TOGARAM1: variants seen among roughly 807,000 people sequenced by gnomAD.
TOGARAM1 encodes the protein TOG array regulator of axonemal microtubules 1.
A neutral mutation model predicts 166.6 loss-of-function variants in TOGARAM1; 100 were observed. The observed-to-expected ratio is 0.60, with a 90% CI of 0.51 to 0.71. The LOEUF is 0.71. TOGARAM1 is among the 30% of genes least tolerant of loss of function. The pLI is 0.00. For synonymous variants in TOGARAM1, 758 were observed against 763.8 expected (o/e 0.99, Z 0.13); for missense variants, 2,029 against 2,102.7 (o/e 0.96, Z 0.69).
Position 44,963,895 on chromosome 14 carries a change from A to C in TOGARAM1, c.1474A>C (p.Asn492His), listed in dbSNP as rs1400780490. 6.2e-7 allele frequency: 1 copy of C among 1,613,974 alleles called. No homozygotes were observed. Among genetic ancestry groups the C allele is most frequent in the Admixed American group, 1.7e-5 (1 of 60,002 alleles). ...KHSRVREEVV[N>H]ICICSLLTYP... ...TTCCAGAGTGAGAGAGGAGGTGGTG[A>C]ACATTTGCATCTGCTCCCTGCTGAC... The change falls in exon 1 of 20, where the codon AAC becomes CAC. Residue 492 changes from asparagine to histidine, a missense_variant. Asn to His is a moderately conservative substitution (Grantham distance 68, BLOSUM62 1). Transcript: ENST00000361462.
At chr14:45,060,980 A>G (rs180798602) in intron 16 of TOGARAM1, among the ~76,000 whole-genome samples, 4 of 152,276 alleles carry the variant, frequency 2.6e-5, no homozygotes, top group East Asian at 1.9e-4. Context: ...CTCACCATAC[A>G]TATGCCCACT....
At chr14:45,025,664 G>T in intron 7 of TOGARAM1, 119 bp from the exon 8 acceptor site, 2 of 554,084 alleles carry the variant, frequency 3.6e-6, no homozygotes, top group Non-Finnish European at 6.3e-6. Flanking sequence ...TGAATAAATT[G>T]TAAATTCTTT....
In TOGARAM1 at chr14:44,964,029, A is replaced by T; in HGVS notation, c.1608A>T (p.Val536=). The T allele has an allele frequency of 6.2e-7, 1 of 1,614,212 alleles. No individual in the cohort carries two copies. The highest frequency in any genetic ancestry group is 2.2e-5 in the East Asian group (1 of 44,888). Reference sequence around the variant, plus strand: ...AAGCAGCTTTAGAAGCTTTTGCCGTATTGGCATCATCAATGGGCTCAGGTA... The same window carrying T: ...AAGCAGCTTTAGAAGCTTTTGCCGTTTTGGCATCATCAATGGGCTCAGGTA... The part of the protein sequence containing the change: ...VRQAALEAFA[V]LASSMGSGKT... Residue 536 remains valine, a synonymous_variant, in exon 1 of 20, where the codon GTA becomes GTT. Transcript: ENST00000361462.
chr14:45,070,013 T>C (rs1055704651), intron 18 of TOGARAM1, among the ~76,000 whole-genome samples: 5 of 151,940 alleles, frequency 3.3e-5, no homozygotes, highest in Admixed American at 1.3e-4. Flanking sequence ...AAACCCCGTC[T>C]CTACTAAAAA....
chr14:45,064,655 A>AT (rs1337810448), intron 16 of TOGARAM1, among the ~76,000 whole-genome samples: 2 of 151,724 alleles, frequency 1.3e-5, no homozygotes, highest in African/African-American at 2.4e-5. Context: ...AGTTTTTTGT[A>AT]TTTTTTGTAC....
intron 7 of TOGARAM1, among the ~76,000 whole-genome samples, chr14:45,017,163 C>G (rs1880195731): frequency 6.6e-6 from 1 of 152,194 alleles, no homozygotes; most frequent in African/African-American, 2.4e-5. Context: ...CAGAATCCTC[C>G]CTAAGCATAC....
intron 10 of TOGARAM1, among the ~76,000 whole-genome samples, chr14:45,030,010 C>T (rs1429338624): frequency 3.3e-5 from 5 of 151,938 alleles, no homozygotes; most frequent in East Asian, 1.9e-4. Context: ...TTAGTCAAGA[C>T]GGGGTTTCAC....
Position 44,963,004 on chromosome 14 carries a change from C to T in TOGARAM1, c.583C>T (p.Leu195=). 1 of 1,614,174 alleles carries T rather than the reference C, an allele frequency of 6.2e-7. No homozygotes were observed. Among genetic ancestry groups the T allele is most frequent in the Non-Finnish European group, 8.5e-7 (1 of 1,180,032 alleles). Residue 195 remains leucine, a synonymous_variant, in exon 1 of 20, where the codon CTG becomes TTG. Coordinates refer to ENST00000361462, the MANE Select transcript of TOGARAM1 (RefSeq NM_001308120.2). ...CTCGTTACGGGAAGAGAATCCAGCC[C>T]TGCGGAAAGATGCGCTGCAGATCCT... The part of the protein sequence containing the change: ...VVSLREENPA[L]RKDALQILHI...
At chr14:45,043,123 T>C (rs1270541304) in intron 11 of TOGARAM1, among the ~76,000 whole-genome samples, 1 of 152,176 alleles carries the variant, frequency 6.6e-6, no homozygotes, top group East Asian at 1.9e-4. Flanking sequence ...CTAGATCTTA[T>C]GGATAACTTG....
At chr14:45,013,303 TTTATAATGATACTACAA>T (rs1879921242) in intron 7 of TOGARAM1, among the ~76,000 whole-genome samples, 1 of 152,182 alleles carries the variant, frequency 6.6e-6, no homozygotes, top group Non-Finnish European at 1.5e-5. Flanking sequence ...ACTGACACCT[TTTATAATGATACTACAA>T]TTGCTTTACT....
chr14:45,035,275 G>A (rs910864974), intron 11 of TOGARAM1, among the ~76,000 whole-genome samples: 6 of 151,968 alleles, frequency 3.9e-5, no homozygotes, highest in Non-Finnish European at 5.9e-5. Flanking sequence ...CAGGAGAATC[G>A]CTTAAACCCG....
At position 45,054,416 on chromosome 14, in the gene TOGARAM1, T is replaced by C. The variant is rs750403690; in HGVS notation, c.4441-15T>C. ...TTTAAAATTTGTATTATACTAATTT[T>C]ATATTTACTTGCAGGGTTTGGGGGA... On this transcript the variant is annotated splice_polypyrimidine_tract_variant and intron_variant, in intron 15 of 19. Transcript: ENST00000361462. 1 of 1,503,312 alleles carries C rather than the reference T, an allele frequency of 6.7e-7. No homozygotes were observed. The highest frequency in any genetic ancestry group is 1.2e-5 in the South Asian group (1 of 83,246). 93.1% of individuals were successfully genotyped at this position (1,503,312 alleles called of 1,614,324 possible).
In TOGARAM1 at chr14:45,009,234, A is replaced by G. The variant is rs145825603; in HGVS notation, c.3137+89A>G. 1.4e-5 allele frequency: 13 copies of G among 949,360 alleles called. No individual in the cohort carries two copies. The East Asian group carries it at 3.2e-4, about 23-fold the overall frequency. 58.8% of individuals were successfully genotyped at this position (949,360 alleles called of 1,614,324 possible). On this transcript the variant is annotated intron_variant, in intron 6 of 19. Transcript: ENST00000361462. ...ATCATATTTGTAAAAACTTAAAACC[A>G]TTTATGTTTTAGTTTTTAAAATGTT...
intron 16 of TOGARAM1, among the ~76,000 whole-genome samples, chr14:45,063,287 G>A (rs1488518777): frequency 1.3e-5 from 2 of 151,944 alleles, no homozygotes; most frequent in Admixed American, 1.3e-4. Flanking sequence ...AGTTCTCTTG[G>A]ATGTGTAGGA....
intron 14 of TOGARAM1, among the ~76,000 whole-genome samples, chr14:45,050,558 G>A (rs1291381812): frequency 6.7e-6 from 1 of 149,860 alleles, no homozygotes. Context: ...TGGTCAAGAC[G>A]GGTGGTCTTA....
intron 6 of TOGARAM1, 73 bp from the exon 7 acceptor site, chr14:45,011,902 A>G: frequency 9.7e-7 from 1 of 1,025,808 alleles, no homozygotes; most frequent in Non-Finnish European, 1.4e-6. Context: ...TAAGGAGAAT[A>G]GACAATATGT....
chr14:45,056,895 C>A (rs1021485034), intron 16 of TOGARAM1, among the ~76,000 whole-genome samples: 2 of 151,982 alleles, frequency 1.3e-5, no homozygotes, highest in Non-Finnish European at 2.9e-5. Context: ...GCAGATTCCC[C>A]CTCTGCAATT....
intron 14 of TOGARAM1, among the ~76,000 whole-genome samples, chr14:45,050,907 G>A (rs559004082): frequency 2.0e-5 from 3 of 152,214 alleles, no homozygotes; most frequent in Non-Finnish European, 2.9e-5. Context: ...GAGCCACCAC[G>A]CCCAGCCTCT....
chr14:45,009,420 G>T (rs1313970994), intron 6 of TOGARAM1, among the ~76,000 whole-genome samples: 1 of 152,010 alleles, frequency 6.6e-6, no homozygotes, highest in African/African-American at 2.4e-5. Flanking sequence ...TTTTGTCTAG[G>T]ATTTATCCTA....
Sources: allele counts gnomAD v4.1 joint callset (sites outside exome capture counted in the v4.1 genomes callset), GRCh38; gene constraint gnomAD v4.1.1; transcripts MANE v1.5; gene names NCBI Gene and HGNC (gene_info 2026-07-23, HGNC 2026-07-21).